Variants in TEX264 observed in about 807,000 individuals in gnomAD.
TEX264 encodes the protein testis-expressed protein 264.
In TEX264, 13 loss-of-function variants were observed where a neutral mutation model predicts 23.4. The observed-to-expected ratio is 0.56, with a 90% CI of 0.36 to 0.88. The LOEUF (loss-of-function observed/expected upper bound fraction) is 0.88, where lower values mean the gene tolerates loss of function less well. Among genes scored for constraint, TEX264 ranks in the 40% least tolerant of loss-of-function variants. The probability of loss-of-function intolerance (pLI) is 0.01; values close to 1 mark genes in which losing one functional copy is unlikely to be tolerated. For missense variants in TEX264, 340 were observed against 406.8 expected, an observed-to-expected ratio of 0.84 and a Z score of 1.41; for synonymous variants, 159 against 170.0, an observed-to-expected ratio of 0.94 and a Z score of 0.50.
At chr3:51,674,037 C>T (rs1702145735) in intron 1 of TEX264, among the ~76,000 whole-genome samples, 2 of 152,196 alleles carry the variant, frequency 1.3e-5, no homozygotes, top group Non-Finnish European at 2.9e-5. Flanking sequence ...ACAGTTTGAG[C>T]TGCTCTGAGA....
chr3:51,684,356 A>C, intron 2 of TEX264, 57 bp from the exon 3 acceptor site: 1 of 1,512,852 alleles, frequency 6.6e-7, no homozygotes, highest in Non-Finnish European at 9.2e-7. Flanking sequence ...AGGAGGAAGG[A>C]GGTCTGAGGG....
intron 4 of TEX264, among the ~76,000 whole-genome samples, chr3:51,702,934 G>A (rs527459169): frequency 4.8e-4 from 73 of 152,234 alleles, no homozygotes; most frequent in South Asian, 2.1e-4. Context: ...CCAACCACCA[G>A]CAGAGTGCTC....
intron 2 of TEX264, among the ~76,000 whole-genome samples, chr3:51,675,552 TG>T (rs928025837): frequency 6.6e-6 from 1 of 152,194 alleles, no homozygotes; most frequent in African/African-American, 2.4e-5. Context: ...GAATCAGACC[TG>T]GCTCTGCCCT....
rs191409875 is a variant in TEX264 at position 51,686,496 on chromosome 3, C to T, written c.480+1862C>T. Among the ~76,000 whole-genome samples, 18 of 152,134 alleles carry T rather than the reference C, an allele frequency of 1.2e-4. No homozygotes were observed. Among genetic ancestry groups the T allele is most frequent in the East Asian group, 9.7e-4 (5 of 5,174 alleles). On this transcript the variant is annotated intron_variant, in intron 3 of 4. Transcript: ENST00000341333. The surrounding 1 kb of genome is among the most constrained non-coding windows in gnomAD (Gnocchi z 4.1). ...CCTGGGTCACCAGCTGTGTCCTTGGCGGTCAAAGACAGGTTTGAAGAATCA... is the reference window on the plus strand; with the variant it reads ...CCTGGGTCACCAGCTGTGTCCTTGGTGGTCAAAGACAGGTTTGAAGAATCA...
intron 2 of TEX264, among the ~76,000 whole-genome samples, chr3:51,677,997 T>C (rs1393509579): frequency 6.6e-6 from 1 of 151,906 alleles, no homozygotes; most frequent in Non-Finnish European, 1.5e-5. Flanking sequence ...ATTCATGGAG[T>C]GTGGGCCATT....
intron 3 of TEX264, among the ~76,000 whole-genome samples, chr3:51,695,126 G>A (rs192174448): frequency 2.8e-4 from 43 of 152,324 alleles, no homozygotes; most frequent in African/African-American, 9.9e-4. Context: ...GTGAGGAGAC[G>A]CCACTACCTC....
intron 3 of TEX264, among the ~76,000 whole-genome samples, 181 bp downstream of exon 3, chr3:51,684,815 A>T (rs948131728): frequency 2.0e-5 from 3 of 152,228 alleles, no homozygotes; most frequent in Admixed American, 2.0e-4. Flanking sequence ...TCTCTTTCAG[A>T]TGCCCAAGAT....
In TEX264 at chr3:51,703,643, C is replaced by A; in HGVS notation, c.650-81C>A. ...CGGGAGGCTGCATTATTCATGAGTG[C>A]ACTGCGTGCTGAGTTGCCTCTCCCT... is the stretch of plus-strand genomic sequence containing the variant. On this transcript the variant is annotated intron_variant, in intron 4 of 4. Transcript: ENST00000341333. This position sits in a 1 kb window ranked among gnomAD's most constrained non-coding sequence, Gnocchi z 4.8. 7.0e-7 allele frequency: 1 copy of A among 1,426,084 alleles called. No individual in the cohort carries two copies. Among genetic ancestry groups the A allele is most frequent in the Non-Finnish European group, 9.5e-7 (1 of 1,048,748 alleles). The allele number at this position is 1,426,084 out of a possible 1,614,324, so 88.3% of individuals were successfully genotyped here.
Position 51,703,652 on chromosome 3 carries a change from C to CTG in TEX264, c.650-71_650-70dup. On this transcript the variant is annotated intron_variant, in intron 4 of 4. Coordinates refer to ENST00000341333, the MANE Select transcript of TEX264 (RefSeq NM_015926.6). This position sits in a 1 kb window ranked among gnomAD's most constrained non-coding sequence, Gnocchi z 4.8. ...GCATTATTCATGAGTGCACTGCGTGCTGAGTTGCCTCTCCCTGGAGGAGGG... is the reference window on the plus strand; with the variant it reads ...GCATTATTCATGAGTGCACTGCGTGCTGTGAGTTGCCTCTCCCTGGAGGAGGG... 1.3e-6 allele frequency: 2 copies of CTG among 1,483,150 alleles called. No individual in the cohort carries two copies. Among genetic ancestry groups the CTG allele is most frequent in the East Asian group, 4.6e-5 (2 of 43,602 alleles). The allele number at this position is 1,483,150 out of a possible 1,614,324, so 91.9% of individuals were successfully genotyped here. A position where few individuals can be genotyped will look rare whatever the true frequency, so the allele number is the denominator to read the frequency against.
chr3:51,703,893 T>C lies in TEX264; in HGVS notation c.819T>C (p.Phe273=). The C allele has an allele frequency of 2.5e-6, 4 of 1,611,888 alleles. No homozygotes were observed. The highest frequency in any genetic ancestry group is 3.4e-6 in the Non-Finnish European group (4 of 1,178,560). Residue 273 remains phenylalanine (F), a synonymous_variant, in exon 5 of 5, where the codon TTT becomes TTC. Transcript: ENST00000341333. The surrounding 1 kb of genome is among the most constrained non-coding windows in gnomAD (Gnocchi z 4.8). ...AGTCAGGTGCCAGCGGCTCCTCTTT[T>C]GAGGAGCTGGACTTGGAGGGCGAGG... The part of the protein sequence containing the change: ...YSESGASGSS[F]EELDLEGEGP...
intron 3 of TEX264, among the ~76,000 whole-genome samples, chr3:51,697,179 G>T (rs1205614340): frequency 6.6e-6 from 1 of 152,236 alleles, no homozygotes; most frequent in Non-Finnish European, 1.5e-5. Flanking sequence ...CTCTCCGGAG[G>T]AAGCAGATGC....
At chr3:51,688,673 G>A (rs1277121826) in intron 3 of TEX264, among the ~76,000 whole-genome samples, 1 of 152,162 alleles carries the variant, frequency 6.6e-6, no homozygotes, top group East Asian at 1.9e-4. Flanking sequence ...GGGAGTGCAG[G>A]TGGCCCTGGA....
chr3:51,686,975 G>A lies in TEX264; in HGVS notation c.480+2341G>A, dbSNP rs1031649853. Among the ~76,000 whole-genome samples, 4 of 152,192 alleles carry A rather than the reference G, an allele frequency of 2.6e-5. No homozygotes were observed. Among genetic ancestry groups the A allele is most frequent in the East Asian group, 1.9e-4 (1 of 5,192 alleles). ...TTAGACACCTTTGTCCAAATTTCCC[G>A]GCCCCTGACAGCTTCACAAGTTGCC... On this transcript the variant is annotated intron_variant, in intron 3 of 4. Coordinates refer to ENST00000341333, the MANE Select transcript of TEX264 (RefSeq NM_015926.6). The surrounding 1 kb of genome is among the most constrained non-coding windows in gnomAD (Gnocchi z 4.1).
At chr3:51,700,095 C>T (rs527392537) in intron 4 of TEX264, among the ~76,000 whole-genome samples, 1 of 152,286 alleles carries the variant, frequency 6.6e-6, no homozygotes, top group Non-Finnish European at 1.5e-5. Flanking sequence ...GATCAGTCAC[C>T]TGTGCCTTTC....
chr3:51,680,181 T>C (rs1252055769), intron 2 of TEX264, among the ~76,000 whole-genome samples: 1 of 152,216 alleles, frequency 6.6e-6, no homozygotes, highest in Non-Finnish European at 1.5e-5. Flanking sequence ...TGTCAGGTTG[T>C]GTAGGTTGTG....
In TEX264 at chr3:51,686,631, T is replaced by TG. The variant is rs2068672427; in HGVS notation, c.480+1998dup. Among the ~76,000 whole-genome samples the TG allele has an allele frequency of 6.8e-6, 1 of 146,328 alleles. No homozygotes were observed. On this transcript the variant is annotated intron_variant, in intron 3 of 4. Coordinates refer to ENST00000341333, the MANE Select transcript of TEX264 (RefSeq NM_015926.6). This position sits in a 1 kb window ranked among gnomAD's most constrained non-coding sequence, Gnocchi z 4.1. ...GCTGGAGGGTGGTGGCCAAAAGGGG[T>TG]GTGGGGCAGGATGTGCTTGCCTGGC... is the stretch of plus-strand genomic sequence containing the variant.
At chr3:51,678,113 C>T (rs985012629) in intron 2 of TEX264, among the ~76,000 whole-genome samples, 1 of 152,192 alleles carries the variant, frequency 6.6e-6, no homozygotes, top group African/African-American at 2.4e-5. Context: ...CCATACTGCC[C>T]TTGCATGACT....
intron 3 of TEX264, among the ~76,000 whole-genome samples, chr3:51,694,133 TTCCTTCCTTCTTTCC>T (rs1702964660): frequency 6.7e-6 from 1 of 149,126 alleles, no homozygotes; most frequent in African/African-American, 2.5e-5. Flanking sequence ...CCTTCCTTCC[TTCCTTCCTTCTTTCC>T]TTCTTTCTTG....
intron 4 of TEX264, among the ~76,000 whole-genome samples, chr3:51,700,080 CA>C (rs1371025945): frequency 6.6e-6 from 1 of 152,096 alleles, no homozygotes; most frequent in Non-Finnish European, 1.5e-5. Context: ...AGAGGGGAGC[CA>C]GGAGATCAGT....
Sources: gnomAD v4.1 joint callset for allele counts (sites outside exome capture counted in the v4.1 genomes callset) on GRCh38, gnomAD v4.1.1 for gene constraint, Gnocchi (gnomAD v3.1) non-coding constraint, MANE v1.5 for transcripts, NCBI Gene and HGNC (gene_info 2026-07-23, HGNC 2026-07-21) for gene names.